The following PGM5 variants were observed in gnomAD, a reference collection of about 807,000 sequenced individuals.
The protein encoded by PGM5 is phosphoglucomutase 5, also known as phosphoglucomutase-like protein 5.
In PGM5, 23 loss-of-function variants were observed where a neutral mutation model predicts 59.2. The observed-to-expected ratio is 0.39, with a 90% confidence interval of 0.28 to 0.55. PGM5 has a LOEUF of 0.55. Ranked by LOEUF, PGM5 falls within the 20% of genes least tolerant of loss-of-function variation. The pLI, the probability that PGM5 is intolerant of heterozygous loss-of-function variation, is 0.66. For synonymous variants in PGM5, 214 were observed against 286.0 expected (o/e 0.75, Z 2.54); for missense variants, 574 against 748.3 (o/e 0.77, Z 2.72).
intron 1 of PGM5, among the ~76,000 whole-genome samples, 187 bp from the exon 2 acceptor site, chr9:68,378,012 G>A (rs1289627515): frequency 6.6e-6 from 1 of 151,858 alleles, no homozygotes; most frequent in African/African-American, 2.4e-5. Flanking sequence ...GCACCAAATG[G>A]TCTTAGAGAC....
At chr9:68,499,482 G>A in intron 10 of PGM5, 121 bp downstream of exon 10, 4 of 1,051,052 alleles carry the variant, frequency 3.8e-6, no homozygotes, top group Non-Finnish European at 5.4e-6. Flanking sequence ...ATTTCAGCTG[G>A]AGGACAAGCT....
At chr9:68,369,429 G>A (rs1487426154) in intron 1 of PGM5, among the ~76,000 whole-genome samples, 3 of 152,096 alleles carry the variant, frequency 2.0e-5, no homozygotes, top group Non-Finnish European at 4.4e-5. Context: ...AGCTGGGGTG[G>A]TCACCTCATA....
chr9:68,422,013 TTTTA>T (rs1188953471), intron 6 of PGM5, among the ~76,000 whole-genome samples: 3 of 151,892 alleles, frequency 2.0e-5, no homozygotes, highest in African/African-American at 4.8e-5. Context: ...TGAAGATCAC[TTTTA>T]TTTATTTTAA....
chr9:68,492,060 T>A (rs1432123317), intron 9 of PGM5, among the ~76,000 whole-genome samples: 1 of 152,184 alleles, frequency 6.6e-6, no homozygotes, highest in Non-Finnish European at 1.5e-5. Flanking sequence ...GACAACACAG[T>A]TACTTTCTAT....
At position 68,483,937 on chromosome 9, in the gene PGM5, CA is replaced by C. The variant is rs1564018020; in HGVS notation, c.1371del (p.Lys457AsnfsTer33). The C allele has an allele frequency of 6.2e-7, 1 of 1,614,152 alleles. No homozygotes were observed. On this transcript the variant is annotated frameshift_variant, in exon 9 of 11. Coordinates refer to ENST00000396396, the MANE Select transcript of PGM5 (RefSeq NM_021965.4). LOFTEE classifies it high-confidence loss of function. ...GGGACCTGGAGGCCCTGGTCACAGA[CA>C]AATCCTTCATTGGCCAGCAGTTTGC... ...MRDLEALVTD[K>X]SFIGQQFAVG... is the part of the protein sequence containing the mutation.
chr9:68,528,562 TTTG>T (rs1825025401), intron 10 of PGM5, among the ~76,000 whole-genome samples: 1 of 152,238 alleles, frequency 6.6e-6, no homozygotes, highest in Admixed American at 6.5e-5. Flanking sequence ...ATTGACTCAC[TTTG>T]TTTTTACCTC....
intron 7 of PGM5, among the ~76,000 whole-genome samples, chr9:68,478,867 T>G (rs1824146249): frequency 6.6e-6 from 1 of 152,228 alleles, no homozygotes; most frequent in Admixed American, 6.5e-5. Context: ...CAGGTGGACA[T>G]ATCTGTTGGG....
chr9:68,475,715 G>A (rs1269281145), intron 7 of PGM5, among the ~76,000 whole-genome samples: 4 of 152,174 alleles, frequency 2.6e-5, no homozygotes. Context: ...GAAAAGAATT[G>A]AATAAACATG....
chr9:68,510,447 G>A (rs1469040381), intron 10 of PGM5, among the ~76,000 whole-genome samples: 1 of 152,052 alleles, frequency 6.6e-6, no homozygotes, highest in East Asian at 1.9e-4. Context: ...CACCGTGCCT[G>A]GCCGAAATCA....
At chr9:68,469,171 G>A (rs1823983686) in intron 7 of PGM5, among the ~76,000 whole-genome samples, 3 of 152,148 alleles carry the variant, frequency 2.0e-5, no homozygotes, top group Admixed American at 1.3e-4. Context: ...GCCCACCTTG[G>A]CCTCCGAAAG....
At chr9:68,473,582 C>G (rs1824055917) in intron 7 of PGM5, among the ~76,000 whole-genome samples, 1 of 152,262 alleles carries the variant, frequency 6.6e-6, no homozygotes, top group South Asian at 2.1e-4. Flanking sequence ...CATAAAATCC[C>G]CTAGCGCAGT....
chr9:68,441,004 A>C (rs1349796382), intron 6 of PGM5, among the ~76,000 whole-genome samples: 1 of 152,122 alleles, frequency 6.6e-6, no homozygotes, highest in Non-Finnish European at 1.5e-5. Flanking sequence ...CTTTAAAATA[A>C]TACTAAGAGG....
chr9:68,384,116 C>T (rs1362338528), intron 2 of PGM5, among the ~76,000 whole-genome samples: 5 of 152,016 alleles, frequency 3.3e-5, no homozygotes, highest in Admixed American at 6.6e-5. Context: ...AGGTGTGAAA[C>T]TATTTTTAGG....
At chr9:68,504,967 T>C (rs1564024450) in intron 10 of PGM5, among the ~76,000 whole-genome samples, 2 of 152,230 alleles carry the variant, frequency 1.3e-5, no homozygotes, top group Non-Finnish European at 2.9e-5. Flanking sequence ...GGTTTCCTCC[T>C]ATGACTGAGG....
intron 10 of PGM5, among the ~76,000 whole-genome samples, chr9:68,525,899 A>G (rs1564029621): frequency 6.6e-6 from 1 of 152,144 alleles, no homozygotes; most frequent in Non-Finnish European, 1.5e-5. Context: ...TACTAAAAAT[A>G]CAAAAAATTA....
At chr9:68,375,977 T>C (rs1407929711) in intron 1 of PGM5, among the ~76,000 whole-genome samples, 1 of 152,202 alleles carries the variant, frequency 6.6e-6, no homozygotes, top group Non-Finnish European at 1.5e-5. Context: ...TTCTGTTCCG[T>C]TGTGGCTGGA....
chr9:68,401,885 ATATATGTGTGTGTGTGTG>A (rs1322831412), intron 6 of PGM5, among the ~76,000 whole-genome samples: 2 of 104,190 alleles, frequency 1.9e-5, no homozygotes, highest in Middle Eastern at 4.7e-3. Context: ...AGCTATATAT[ATATATGTGTGTGTGTGTG>A]TGTGTGTGTG....
At chr9:68,443,155 C>A (rs1823555202) in intron 6 of PGM5, among the ~76,000 whole-genome samples, 1 of 152,178 alleles carries the variant, frequency 6.6e-6, no homozygotes, top group Admixed American at 6.5e-5. Flanking sequence ...GAATAATAAA[C>A]TGTGATATTT....
At chr9:68,427,933 A>C (rs563229686) in intron 6 of PGM5, among the ~76,000 whole-genome samples, 25 of 152,250 alleles carry the variant, frequency 1.6e-4, no homozygotes, top group Non-Finnish European at 3.1e-4. Context: ...CAAGTTTCTG[A>C]GACCCTAGGT....
Sources: allele counts gnomAD v4.1 joint callset (sites outside exome capture counted in the v4.1 genomes callset), GRCh38; gene constraint gnomAD v4.1.1; transcripts MANE v1.5; gene names NCBI Gene and HGNC (gene_info 2026-07-23, HGNC 2026-07-21).